CTNNA3: variants seen among roughly 807,000 people sequenced by gnomAD.
The protein encoded by CTNNA3 is catenin alpha-3.
A neutral mutation model predicts 95.7 loss-of-function variants in CTNNA3; 76 were observed. That is an observed-to-expected ratio of 0.79 (90% confidence interval 0.66 to 0.96). The LOEUF (loss-of-function observed/expected upper bound fraction) is 0.96, where lower values mean the gene tolerates loss of function less well. Among genes scored for constraint, CTNNA3 ranks in the 40% least tolerant of loss-of-function variants. The probability of loss-of-function intolerance (pLI) is 0.00; values close to 1 mark genes in which losing one functional copy is unlikely to be tolerated. For synonymous variants in CTNNA3, 431 were observed against 374.4 expected (o/e 1.15, Z -1.74); for missense variants, 1,191 against 1,089.8 (o/e 1.09, Z -1.31).
chr10:66,733,643 A>G (rs1412943887), intron 9 of CTNNA3, among the ~76,000 whole-genome samples: 11 of 151,814 alleles, frequency 7.2e-5, no homozygotes, highest in Non-Finnish European at 1.5e-4. Flanking sequence ...AACCTCACTC[A>G]GGTATATACA....
At chr10:66,213,627 AC>A (rs1259695131) in intron 13 of CTNNA3, among the ~76,000 whole-genome samples, 20 of 152,278 alleles carry the variant, frequency 1.3e-4, no homozygotes, top group African/African-American at 4.6e-4. Flanking sequence ...ACATTGACCT[AC>A]CTTGGCCTCC....
chr10:67,646,579 C>T (rs1033075152), intron 2 of CTNNA3, among the ~76,000 whole-genome samples: 1 of 152,018 alleles, frequency 6.6e-6, no homozygotes, highest in Non-Finnish European at 1.5e-5. Context: ...AGCTACTCCC[C>T]TCCCCACATC....
At chr10:66,091,617 T>C (rs1011185231) in intron 14 of CTNNA3, among the ~76,000 whole-genome samples, 14 of 151,770 alleles carry the variant, frequency 9.2e-5, no homozygotes, top group Non-Finnish European at 1.9e-4. Flanking sequence ...ATGTAATACA[T>C]CAGAGAGTGA....
chr10:66,219,631 T>C (rs2088795172), intron 13 of CTNNA3, among the ~76,000 whole-genome samples: 1 of 148,672 alleles, frequency 6.7e-6, no homozygotes, highest in Non-Finnish European at 1.5e-5. Flanking sequence ...CTTTTTTTTT[T>C]CTTTTTTGAA....
At chr10:66,964,961 G>T (rs1849319565) in intron 7 of CTNNA3, among the ~76,000 whole-genome samples, 1 of 152,148 alleles carries the variant, frequency 6.6e-6, no homozygotes. Context: ...AAAATTTAAA[G>T]CTATTAAAAA....
chr10:67,187,076 T>C (rs1862888211), intron 6 of CTNNA3, among the ~76,000 whole-genome samples: 1 of 152,122 alleles, frequency 6.6e-6, no homozygotes, highest in South Asian at 2.1e-4. Flanking sequence ...TTATTCCTTA[T>C]TTTTCTTCCT....
chr10:67,153,328 A>C (rs1248950037), intron 7 of CTNNA3, among the ~76,000 whole-genome samples: 1 of 152,204 alleles, frequency 6.6e-6, no homozygotes, highest in Middle Eastern at 3.2e-3. Context: ...CCAGAGATTC[A>C]GATTTAATTG....
chr10:66,577,242 AC>A (rs1843034769), intron 10 of CTNNA3, among the ~76,000 whole-genome samples: 1 of 151,924 alleles, frequency 6.6e-6, no homozygotes, highest in African/African-American at 2.4e-5. Context: ...TGTCAGATGC[AC>A]AGTTTGCTAA....
At chr10:67,435,410 T>G (rs1224114334) in intron 5 of CTNNA3, among the ~76,000 whole-genome samples, 1 of 151,906 alleles carries the variant, frequency 6.6e-6, no homozygotes, top group African/African-American at 2.4e-5. Flanking sequence ...GCATTCTCTC[T>G]GAGAAAGGGA....
chr10:66,345,251 T>C (rs931456914), intron 12 of CTNNA3, among the ~76,000 whole-genome samples: 8 of 152,140 alleles, frequency 5.3e-5, no homozygotes, highest in African/African-American at 1.4e-4. Flanking sequence ...ATGTAGTTTA[T>C]AGCAAATTTG....
chr10:66,961,338 C>T (rs1039367758), intron 7 of CTNNA3, among the ~76,000 whole-genome samples: 2 of 152,138 alleles, frequency 1.3e-5, no homozygotes, highest in African/African-American at 4.8e-5. Context: ...ATAAACTCCA[C>T]ATTGCTCAGT....
At chr10:67,231,334 C>G (rs1399646119) in intron 5 of CTNNA3, among the ~76,000 whole-genome samples, 1 of 152,192 alleles carries the variant, frequency 6.6e-6, no homozygotes, top group Non-Finnish European at 1.5e-5. Context: ...ATCTGAGAAC[C>G]AGCAGACTGC....
chr10:66,635,323 G>T (rs147222066), intron 9 of CTNNA3, among the ~76,000 whole-genome samples: 1 of 152,218 alleles, frequency 6.6e-6, no homozygotes, highest in African/African-American at 2.4e-5. Flanking sequence ...TGTCACTGAG[G>T]TCAAGAATAA....
chr10:66,842,500 A>G (rs1256093693), intron 7 of CTNNA3, among the ~76,000 whole-genome samples: 4 of 152,172 alleles, frequency 2.6e-5, no homozygotes, highest in African/African-American at 9.7e-5. Context: ...GGAAAATTAA[A>G]ATTCGCTGAA....
At chr10:66,936,487 G>A (rs1164414986) in intron 7 of CTNNA3, among the ~76,000 whole-genome samples, 2 of 151,874 alleles carry the variant, frequency 1.3e-5, no homozygotes, top group Non-Finnish European at 2.9e-5. Context: ...TTTTTTGGTT[G>A]TTCTGTTTTG....
chr10:67,289,698 CT>C (rs1252973786), intron 5 of CTNNA3, among the ~76,000 whole-genome samples: 2 of 152,108 alleles, frequency 1.3e-5, no homozygotes, highest in Admixed American at 6.5e-5. Context: ...AATCAATTAT[CT>C]TTTGATTGCC....
intron 15 of CTNNA3, among the ~76,000 whole-genome samples, chr10:66,046,191 T>C (rs2079824884): frequency 6.6e-6 from 1 of 151,720 alleles, no homozygotes; most frequent in South Asian, 2.1e-4. Flanking sequence ...CCCAGAGAAG[T>C]GGTGAGTGAA....
intron 12 of CTNNA3, among the ~76,000 whole-genome samples, chr10:66,338,928 T>G (rs4465265): frequency 0.91 from 137,689 of 151,778 alleles, 62,697 homozygotes; most frequent in East Asian, 1. Context: ...GTTTACAGTG[T>G]AAAAACTAAA....
intron 11 of CTNNA3, among the ~76,000 whole-genome samples, chr10:66,428,638 T>C (rs1589235750): frequency 1.4e-5 from 2 of 139,638 alleles, no homozygotes; most frequent in Non-Finnish European, 3.2e-5. Context: ...CTGAACAACC[T>C]GCTCCTGAAT....
Sources: gnomAD v4.1 joint callset for allele counts (sites outside exome capture counted in the v4.1 genomes callset) on GRCh38, gnomAD v4.1.1 for gene constraint, MANE v1.5 for transcripts, NCBI Gene and HGNC (gene_info 2026-07-23, HGNC 2026-07-21) for gene names.